Variants in NEK1 observed in about 807,000 individuals in gnomAD.
NEK1 encodes the protein serine/threonine-protein kinase Nek1.
NEK1 carries 137 observed loss-of-function variants against 182.1 expected under a neutral mutation model. The observed-to-expected ratio is 0.75, with a 90% CI of 0.65 to 0.87. The LOEUF (loss-of-function observed/expected upper bound fraction) is 0.87. Among genes scored for constraint, NEK1 ranks in the 40% least tolerant of loss-of-function variants. The pLI is 0.00. For synonymous variants in NEK1, 513 were observed against 492.2 expected (o/e 1.04, Z -0.56); for missense variants, 1,391 against 1,494.4 (o/e 0.93, Z 1.14).
intron 23 of NEK1, among the ~76,000 whole-genome samples, chr4:169,495,275 G>A (rs1294434976): frequency 1.7e-5 from 2 of 120,436 alleles, no homozygotes; most frequent in Non-Finnish European, 3.3e-5. Context: ...ACGGAGTTTC[G>A]CTCTGTCGCC....
rs780083968 is a variant in NEK1, at chr4:169,463,367, T to C, written c.2463A>G (p.Leu821=). ...ERHTVGEVIK[L]GPNGSPRRAW... ...CTCTTCTTGGAGATCCATTAGGACC[T>C]AATTTAATAACTTCTCCCACTGTAT... The change falls in exon 27 of 36, where the codon TTA becomes TTG. Residue 821 remains leucine (L), a synonymous_variant. Coordinates refer to ENST00000507142, the MANE Select transcript of NEK1 (RefSeq NM_001199397.3). The C allele has an allele frequency of 2.5e-6, 4 of 1,608,098 alleles. No individual in the cohort carries two copies. Among genetic ancestry groups the C allele is most frequent in the Non-Finnish European group, 1.7e-6 (2 of 1,176,286 alleles).
chr4:169,428,440 A>G (rs1177778876), intron 29 of NEK1, among the ~76,000 whole-genome samples: 5 of 150,404 alleles, frequency 3.3e-5, no homozygotes, highest in African/African-American at 1.2e-4. Context: ...ATGAAAAACT[A>G]AAAACAGTAT....
At chr4:169,569,416 A>C (rs1580835130) in intron 12 of NEK1, among the ~76,000 whole-genome samples, 3 of 151,406 alleles carry the variant, frequency 2.0e-5, no homozygotes, top group Admixed American at 2.0e-4. Flanking sequence ...ATTAAGAATA[A>C]AAGCTCTCTC....
intron 23 of NEK1, among the ~76,000 whole-genome samples, chr4:169,481,025 A>C (rs1269104554): frequency 6.6e-6 from 1 of 152,230 alleles, no homozygotes; most frequent in Non-Finnish European, 1.5e-5. Flanking sequence ...TCATTTCAAC[A>C]ATGTTCAAAA....
At chr4:169,491,472 A>AT (rs1750078134) in intron 23 of NEK1, among the ~76,000 whole-genome samples, 1 of 152,320 alleles carries the variant, frequency 6.6e-6, no homozygotes, top group African/African-American at 2.4e-5. Context: ...CAAGGTGCTA[A>AT]TTAAAAAAAC....
intron 31 of NEK1, among the ~76,000 whole-genome samples, chr4:169,410,589 T>C (rs1170180830): frequency 6.6e-6 from 1 of 152,214 alleles, no homozygotes; most frequent in Non-Finnish European, 1.5e-5. Context: ...TGTGAATATC[T>C]GCTTACTTCA....
In NEK1 at chr4:169,507,049, C is replaced by T. The variant is rs754569197; in HGVS notation, c.1995G>A (p.Val665=). 1.9e-6 allele frequency: 3 copies of T among 1,606,748 alleles called. No homozygotes were observed. The East Asian group carries it at 6.7e-5, about 36-fold the overall frequency. Residue 665 remains valine (V), a synonymous_variant, in exon 23 of 36, where the codon GTG becomes GTA. Coordinates refer to ENST00000507142, the MANE Select transcript of NEK1 (RefSeq NM_001199397.3). ...RKEAYEREKK[V]WEEHLVAKGV... ...AGCTAAATCTTACATGCTCTTCCCA[C>T]ACTTTTTTTTCTCTCTCATAAGCCT...
intron 23 of NEK1, among the ~76,000 whole-genome samples, chr4:169,482,889 C>T (rs1353569639): frequency 1.3e-5 from 2 of 152,164 alleles, no homozygotes; most frequent in African/African-American, 4.8e-5. Flanking sequence ...CCTGCCTCGG[C>T]CTCCCAACAT....
chr4:169,462,106 G>A (rs969373246), intron 27 of NEK1, among the ~76,000 whole-genome samples: 1 of 152,028 alleles, frequency 6.6e-6, no homozygotes, highest in African/African-American at 2.4e-5. Context: ...AAGTAATAGT[G>A]TTAATGAGCA....
At chr4:169,443,249 A>C (rs1408537193) in intron 27 of NEK1, among the ~76,000 whole-genome samples, 1 of 151,912 alleles carries the variant, frequency 6.6e-6, no homozygotes, top group African/African-American at 2.4e-5. Context: ...CCAGGAGGTC[A>C]AGGCTGCAGT....
chr4:169,524,902 G>A (rs991821327), intron 19 of NEK1, among the ~76,000 whole-genome samples: 10 of 152,162 alleles, frequency 6.6e-5, no homozygotes, highest in African/African-American at 2.4e-5. Flanking sequence ...CTGCTTTTGT[G>A]CCATAATGCA....
At chr4:169,400,472 A>T in intron 34 of NEK1, 49 bp downstream of exon 34, 1 of 1,541,864 alleles carries the variant, frequency 6.5e-7, no homozygotes, top group Non-Finnish European at 8.7e-7. Context: ...CATTTCTTCA[A>T]CCTTCAAACA....
chr4:169,566,144 AC>A (rs1267845424), intron 12 of NEK1, among the ~76,000 whole-genome samples: 1 of 152,206 alleles, frequency 6.6e-6, no homozygotes, highest in Non-Finnish European at 1.5e-5. Context: ...CAATTTAAAA[AC>A]ATTAATACAG....
chr4:169,498,120 T>A (rs1425531226), intron 23 of NEK1, among the ~76,000 whole-genome samples: 1 of 152,244 alleles, frequency 6.6e-6, no homozygotes, highest in Non-Finnish European at 1.5e-5. Flanking sequence ...TTTAGGATAG[T>A]TAGCTCTTCT....
intron 28 of NEK1, among the ~76,000 whole-genome samples, chr4:169,435,985 C>A (rs1302187927): frequency 6.6e-6 from 1 of 152,188 alleles, no homozygotes; most frequent in African/African-American, 2.4e-5. Flanking sequence ...CTCACTGCAG[C>A]CTCAAACTCT....
intron 18 of NEK1, among the ~76,000 whole-genome samples, chr4:169,543,259 A>G (rs937357335): frequency 3.3e-5 from 5 of 151,590 alleles, no homozygotes; most frequent in African/African-American, 9.7e-5. Flanking sequence ...TTTCCCCACC[A>G]CTTGTTTATC....
intron 19 of NEK1, 74 bp downstream of exon 19, chr4:169,537,735 A>T: frequency 1.8e-6 from 2 of 1,112,150 alleles, no homozygotes; most frequent in Non-Finnish European, 2.8e-6. Context: ...CTTTTTACTT[A>T]CACTTACCTT....
chr4:169,475,089 T>C (rs568751704), intron 26 of NEK1, among the ~76,000 whole-genome samples: 27 of 152,208 alleles, frequency 1.8e-4, no homozygotes, highest in African/African-American at 6.3e-4. Context: ...CCTTTAGAGT[T>C]TTCAGGCTAT....
rs1730373260 is a variant in NEK1, at chr4:169,394,518, C to T, written c.3853G>A (p.Asp1285Asn). Residue 1285 changes from aspartate (D) to asparagine (N), a missense_variant, in exon 36 of 36, where the codon GAT (aspartate) becomes AAT (asparagine). Around this residue, in one of 5 missense-constraint regions of NEK1, gnomAD observed 1,216 missense variants for 1,277.6 expected, o/e 0.95. Transcript: ENST00000507142. The stretch of plus-strand genomic sequence containing the variant: ...AAAAAACATTTTGAGGATTATTCAT[C>T]ATTATCTGTAGAAAAAAGAAAAAAA... The part of the protein sequence containing the change: ...MADGAYQEDN[D>N]E 7.1e-7 allele frequency: 1 copy of T among 1,407,330 alleles called. No individual in the cohort carries two copies. The highest frequency in any genetic ancestry group is 9.8e-7 in the Non-Finnish European group (1 of 1,023,388). The allele number at this position is 1,407,330 out of a possible 1,614,324, so 87.2% of individuals were successfully genotyped here.
Sources: gnomAD v4.1 joint callset for allele counts (sites outside exome capture counted in the v4.1 genomes callset) on GRCh38, gnomAD v4.1.1 for gene constraint, gnomAD v4.1.1 regional missense constraint, MANE v1.5 for transcripts, NCBI Gene and HGNC (gene_info 2026-07-23, HGNC 2026-07-21) for gene names.